The following CATSPERB variants were observed in gnomAD, a reference collection of about 807,000 sequenced individuals.
CATSPERB encodes the protein catsper channel auxiliary subunit beta.
CATSPERB carries 93 observed loss-of-function variants against 128.3 expected under a neutral mutation model. The observed-to-expected ratio is 0.72, with a 90% confidence interval of 0.61 to 0.86. CATSPERB has a LOEUF of 0.86. CATSPERB is among the 40% of genes least tolerant of loss of function. The pLI is 0.00. For missense variants in CATSPERB, 1,153 were observed against 1,329.5 expected (o/e 0.87, Z 2.06); for synonymous variants, 381 against 448.8 (o/e 0.85, Z 1.91).
chr14:91,630,642 T>C (rs1229685107), intron 17 of CATSPERB, among the ~76,000 whole-genome samples: 1 of 152,146 alleles, frequency 6.6e-6, no homozygotes, highest in Non-Finnish European at 1.5e-5. Flanking sequence ...CTGTCTTCAC[T>C]CAACTGCACC....
intron 17 of CATSPERB, among the ~76,000 whole-genome samples, chr14:91,631,140 T>TATC (rs1434704605): frequency 3.3e-5 from 5 of 152,246 alleles, no homozygotes; most frequent in African/African-American, 1.2e-4. Flanking sequence ...TTTACCTGTT[T>TATC]ATCACCTGTA....
At chr14:91,596,051 T>G (rs951195335) in intron 22 of CATSPERB, among the ~76,000 whole-genome samples, 5 of 152,286 alleles carry the variant, frequency 3.3e-5, no homozygotes, top group African/African-American at 1.2e-4. Context: ...GTTCAGTTAA[T>G]TCAGTTAACT....
chr14:91,603,415 A>G, intron 22 of CATSPERB: 1 of 1,603,682 alleles, frequency 6.2e-7, no homozygotes, highest in East Asian at 2.2e-5. Flanking sequence ...GCACGTCCTC[A>G]TCCTTTATTC....
At chr14:91,640,925 A>G (rs1894485175) in intron 15 of CATSPERB, among the ~76,000 whole-genome samples, 2 of 152,052 alleles carry the variant, frequency 1.3e-5, no homozygotes, top group East Asian at 1.9e-4. Context: ...AATGATTGCC[A>G]TTCTAACTGG....
At chr14:91,700,266 CT>C (rs1440395901) in intron 7 of CATSPERB, among the ~76,000 whole-genome samples, 1 of 152,116 alleles carries the variant, frequency 6.6e-6, no homozygotes, top group African/African-American at 2.4e-5. Context: ...TGAACTCATT[CT>C]TTTTTTATGA....
chr14:91,677,254 A>G (rs936151967), intron 11 of CATSPERB, among the ~76,000 whole-genome samples: 1 of 151,676 alleles, frequency 6.6e-6, no homozygotes, highest in African/African-American at 2.4e-5. Flanking sequence ...GCTTCTGCAC[A>G]GCAAAAGAAA....
rs968680647 is a variant in CATSPERB at position 91,672,196 on chromosome 14, A to G, written c.1128+671T>C. 1.1e-4 allele frequency among the ~76,000 whole-genome samples: 17 copies of G among 152,170 alleles called. 1 individual carries two copies. Among genetic ancestry groups the G allele is most frequent in the Non-Finnish European group, 2.9e-5 (2 of 68,024 alleles). ...CAAGGCTCCACTCATTGAACATACG[A>G]AGATGGAGGAAAGAGCTTTTTCCTT... On this transcript the variant is annotated intron_variant, in intron 13 of 26. Coordinates refer to ENST00000256343, the MANE Select transcript of CATSPERB (RefSeq NM_024764.4).
At chr14:91,688,123 T>C (rs188538908) in intron 10 of CATSPERB, among the ~76,000 whole-genome samples, 118 of 152,316 alleles carry the variant, frequency 7.7e-4, no homozygotes, top group African/African-American at 2.5e-3. Flanking sequence ...TTTTCATTTG[T>C]TTTATTAAAG....
intron 15 of CATSPERB, among the ~76,000 whole-genome samples, chr14:91,646,642 A>C (rs1277086895): frequency 6.6e-6 from 1 of 152,090 alleles, no homozygotes; most frequent in Non-Finnish European, 1.5e-5. Context: ...CTTCAGCTAC[A>C]CGAGCCTGAG....
At chr14:91,680,552 G>A (rs1405027833) in intron 11 of CATSPERB, among the ~76,000 whole-genome samples, 1 of 152,146 alleles carries the variant, frequency 6.6e-6, no homozygotes, top group Non-Finnish European at 1.5e-5. Flanking sequence ...GGAATTTTAA[G>A]GGTTAATGAG....
intron 22 of CATSPERB, chr14:91,604,921 G>A: frequency 8.2e-7 from 1 of 1,221,286 alleles, no homozygotes; most frequent in Middle Eastern, 1.9e-4. Context: ...TGTAGCTGAG[G>A]TTCAGGATGT....
chr14:91,599,899 A>G (rs1202914546), intron 22 of CATSPERB, among the ~76,000 whole-genome samples: 1 of 152,224 alleles, frequency 6.6e-6, no homozygotes, highest in African/African-American at 2.4e-5. Flanking sequence ...GTGACTTTGA[A>G]TAGAAAAGGA....
intron 17 of CATSPERB, among the ~76,000 whole-genome samples, chr14:91,625,822 A>G (rs959768524): frequency 5.9e-5 from 9 of 152,176 alleles, no homozygotes; most frequent in African/African-American, 1.9e-4. Flanking sequence ...AGATCTTACA[A>G]TCATCACAAA....
intron 15 of CATSPERB, 24 bp downstream of exon 15, chr14:91,659,813 C>T: frequency 6.3e-7 from 1 of 1,598,968 alleles, no homozygotes; most frequent in Non-Finnish European, 8.5e-7. Context: ...GTAATGCTTA[C>T]ACCAGTGAAA....
At chr14:91,712,517 A>G (rs998686460) in intron 5 of CATSPERB, among the ~76,000 whole-genome samples, 6 of 152,196 alleles carry the variant, frequency 3.9e-5, no homozygotes, top group Admixed American at 2.6e-4. Context: ...AACTGTAAGG[A>G]GCATCCTCTA....
Position 91,611,348 on chromosome 14 carries a change from G to A in CATSPERB, c.2401-671C>T, listed in dbSNP as rs139900903. The stretch of plus-strand genomic sequence containing the variant: ...GGACTGGCTGGGCACGGTGGCTCAC[G>A]CCTGTAATCCCAGCACTTTGGGAGG... On this transcript the variant is annotated intron_variant, in intron 20 of 26. Transcript: ENST00000256343. Among the ~76,000 whole-genome samples the A allele has an allele frequency of 7.0e-3, 1,071 of 152,278 alleles. 12 individuals are homozygous for A. The highest frequency in any genetic ancestry group is 0.025 in the African/African-American group (1,033 of 41,540).
intron 22 of CATSPERB, 46 bp downstream of exon 22, chr14:91,608,248 C>T (rs374038099): frequency 4.3e-6 from 5 of 1,173,462 alleles, no homozygotes; most frequent in African/African-American, 3.1e-5. Context: ...TGAATGATTT[C>T]CTGAATTCAA....
chr14:91,669,802 A>C lies in CATSPERB; in HGVS notation c.1287+12T>G. 1 of 1,602,432 alleles carries C rather than the reference A, an allele frequency of 6.2e-7. No individual in the cohort carries two copies. The highest frequency in any genetic ancestry group is 1.1e-5 in the South Asian group (1 of 89,002). ...TAACTCTAACACAGACTGAAGTTCC[A>C]TGTGTACGCACCTGATTGCCATAAG... On this transcript the variant is annotated intron_variant, in intron 14 of 26. Coordinates refer to ENST00000256343, the MANE Select transcript of CATSPERB (RefSeq NM_024764.4).
rs1280788238 is a variant in CATSPERB at position 91,673,260 on chromosome 14, C to T, written c.979-244G>A. Among the ~76,000 whole-genome samples the T allele has an allele frequency of 5.1e-5, 6 of 118,206 alleles. 1 individual carries two copies. Among genetic ancestry groups the T allele is most frequent in the Admixed American group, 1.6e-4 (2 of 12,560 alleles). 77.5% of individuals were successfully genotyped at this position (118,206 alleles called of 152,430 possible). The stretch of plus-strand genomic sequence containing the variant: ...CCTTAGGCAAGGAACTGAAACTCAA[C>T]GGATCACTGCACCCAGATAATGAGA... On this transcript the variant is annotated intron_variant, in intron 12 of 26. Transcript: ENST00000256343.
Sources: gnomAD v4.1 joint callset for allele counts (sites outside exome capture counted in the v4.1 genomes callset) on GRCh38, gnomAD v4.1.1 for gene constraint, MANE v1.5 for transcripts, NCBI Gene and HGNC (gene_info 2026-07-23, HGNC 2026-07-21) for gene names.